RGS8: variants seen among roughly 807,000 people sequenced by gnomAD.
RGS8 encodes regulator of G-protein signaling 8.
A neutral mutation model predicts 21.7 loss-of-function variants in RGS8; 8 were observed. The ratio of observed to expected loss-of-function variants is 0.37; its 90% CI spans 0.22 to 0.66. The LOEUF (loss-of-function observed/expected upper bound fraction) is 0.66. RGS8 is among the 30% of genes least tolerant of loss of function. RGS8 has a pLI of 0.59. For synonymous variants in RGS8, 80 were observed against 83.6 expected, an observed-to-expected ratio of 0.96 and a Z score of 0.24; for missense variants, 157 against 217.9, an observed-to-expected ratio of 0.72 and a Z score of 1.76.
the RGS8 span, among the ~76,000 whole-genome samples, chr1:182,741,693 G>T: frequency 8.7e-6 from 1 of 114,664 alleles, no homozygotes; most frequent in Non-Finnish European, 2.0e-5. Context: ...CTTCCCAGTA[G>T]GGGCGGCCGG....
At chr1:182,666,935 T>C (rs2102436721) in exon 4 of RGS8, 1 of 1,614,190 alleles carries the variant, frequency 6.2e-7, no homozygotes, top group South Asian at 1.1e-5. Context: ...GTCTGACTTG[T>C]GAGACAGGCA....
the RGS8 span, among the ~76,000 whole-genome samples, chr1:182,707,520 A>G: frequency 5.3e-5 from 8 of 152,206 alleles, no homozygotes; most frequent in Non-Finnish European, 1.0e-4. Flanking sequence ...CCCCACCTCT[A>G]CTATCACCGC....
upstream of RGS8, among the ~76,000 whole-genome samples, chr1:182,674,291 C>A (rs1370920289): frequency 6.6e-6 from 1 of 152,134 alleles, no homozygotes; most frequent in Non-Finnish European, 1.5e-5. Flanking sequence ...TCAGAATCTT[C>A]AATTAGCCTT....
the RGS8 span, chr1:182,714,386 T>A: frequency 6.6e-6 from 1 of 152,228 alleles, no homozygotes; most frequent in Non-Finnish European, 1.5e-5. Context: ...TGAAGTAGCA[T>A]CTGGTTCATT....
the RGS8 span, among the ~76,000 whole-genome samples, chr1:182,732,226 CTCTT>C: frequency 1.3e-5 from 2 of 150,836 alleles, no homozygotes; most frequent in Non-Finnish European, 1.5e-5. Flanking sequence ...AGCGCTCTCT[CTCTT>C]TCTCTCTCTC....
upstream of RGS8, among the ~76,000 whole-genome samples, chr1:182,673,142 C>G (rs1054233156): frequency 6.6e-6 from 1 of 152,236 alleles, no homozygotes; most frequent in African/African-American, 2.4e-5. Context: ...TCCAAAGACA[C>G]ATAGCCTTTG....
intron 4 of RGS8, 129 bp from the exon 6 acceptor site, chr1:182,666,162 T>C: frequency 1.6e-6 from 1 of 639,166 alleles, no homozygotes; most frequent in Non-Finnish European, 2.8e-6. Flanking sequence ...AAATGAAGAC[T>C]ATACCTGGAT....
At chr1:182,661,843 C>T (rs940042128) in intron 5 of RGS8, among the ~76,000 whole-genome samples, 2 of 151,408 alleles carry the variant, frequency 1.3e-5, no homozygotes, top group African/African-American at 4.9e-5. Context: ...CACACACACA[C>T]ACACTCTTGG....
At chr1:182,751,717 C>T in the RGS8 span, among the ~76,000 whole-genome samples, 1 of 152,166 alleles carries the variant, frequency 6.6e-6, no homozygotes, top group Non-Finnish European at 1.5e-5. Context: ...ACATAATATA[C>T]TTTCTCACAT....
the RGS8 span, among the ~76,000 whole-genome samples, chr1:182,693,084 G>A: frequency 6.6e-6 from 1 of 152,156 alleles, no homozygotes; most frequent in Non-Finnish European, 1.5e-5. Context: ...ACTTTATGGG[G>A]AAGACTCCAA....
the RGS8 span, among the ~76,000 whole-genome samples, chr1:182,689,929 A>C: frequency 3.3e-5 from 5 of 152,210 alleles, no homozygotes; most frequent in East Asian, 1.9e-4. Flanking sequence ...ATCTGTCTGG[A>C]GATCCTGTTC....
At chr1:182,720,126 A>G in the RGS8 span, among the ~76,000 whole-genome samples, 1 of 152,252 alleles carries the variant, frequency 6.6e-6, no homozygotes, top group Non-Finnish European at 1.5e-5. Context: ...TTTCCAAAAG[A>G]TAAAATTGAC....
chr1:182,746,154 G>A, the RGS8 span, among the ~76,000 whole-genome samples: 2 of 152,040 alleles, frequency 1.3e-5, no homozygotes, highest in Admixed American at 6.5e-5. Context: ...TTGGTTTTCA[G>A]ACCCCCTCTC....
At chr1:182,677,157 A>T (rs539274853), upstream of RGS8, among the ~76,000 whole-genome samples, 1 of 152,148 alleles carries the variant, frequency 6.6e-6, no homozygotes, top group African/African-American at 2.4e-5. Flanking sequence ...TTCAACCCCA[A>T]CTCCGTAATT....
intron 5 of RGS8, among the ~76,000 whole-genome samples, chr1:182,661,759 C>A (rs1480283258): frequency 1.3e-5 from 2 of 152,086 alleles, no homozygotes; most frequent in African/African-American, 4.8e-5. Context: ...AAACTTTGCT[C>A]TCTTGGGTAT....
chr1:182,705,928 A>G, the RGS8 span, among the ~76,000 whole-genome samples: 3 of 152,194 alleles, frequency 2.0e-5, no homozygotes, highest in South Asian at 2.1e-4. Context: ...CCTCAGTGTC[A>G]GATTCTGTCC....
the RGS8 span, among the ~76,000 whole-genome samples, chr1:182,751,230 G>A: frequency 6.6e-6 from 1 of 152,196 alleles, no homozygotes; most frequent in Admixed American, 6.5e-5. Context: ...AATGTGGCAT[G>A]TTTAGAAGGC....
exon 6 of RGS8, chr1:182,648,248 C>G: frequency 6.2e-7 from 1 of 1,613,772 alleles, no homozygotes; most frequent in South Asian, 1.1e-5. Flanking sequence ...ACCAGAATTC[C>G]AGGTTCTCCT....
the RGS8 span, among the ~76,000 whole-genome samples, chr1:182,702,403 G>A: frequency 1.2e-4 from 19 of 152,256 alleles, no homozygotes; most frequent in Non-Finnish European, 2.2e-4. Flanking sequence ...AGTGAGGGGG[G>A]CAACGGTTGA....
Sources: gnomAD v4.1 joint callset for allele counts (sites outside exome capture counted in the v4.1 genomes callset) on GRCh38, gnomAD v4.1.1 for gene constraint, MANE v1.5 for transcripts, NCBI Gene and HGNC (gene_info 2026-07-23, HGNC 2026-07-21) for gene names.